RGS12: variants seen among roughly 807,000 people sequenced by gnomAD.
The protein encoded by RGS12 is regulator of G-protein signaling 12.
Under a neutral mutation model 120.1 loss-of-function variants are expected in RGS12, and 66 were observed. The ratio of observed to expected loss-of-function variants is 0.55; its 90% CI spans 0.45 to 0.67. The LOEUF (loss-of-function observed/expected upper bound fraction) is 0.67, where lower values mean the gene tolerates loss of function less well. RGS12 is among the 30% of genes least tolerant of loss of function. The probability of loss-of-function intolerance (pLI) is 0.00; values close to 1 mark genes in which losing one functional copy is unlikely to be tolerated. For synonymous variants in RGS12, 827 were observed against 804.7 expected, an observed-to-expected ratio of 1.03 and a Z score of -0.47; for missense variants, 1,859 against 1,957.7, an observed-to-expected ratio of 0.95 and a Z score of 0.95.
At chr4:3,293,473 G>A (rs1458893665) in intron 1 of RGS12, among the ~76,000 whole-genome samples, 1 of 151,450 alleles carries the variant, frequency 6.6e-6, no homozygotes, top group East Asian at 1.9e-4. Flanking sequence ...CGGGCGAGAT[G>A]CGCCCGGGAG....
At chr4:3,292,360 C>G (rs565878419), upstream of RGS12, among the ~76,000 whole-genome samples, 90 of 152,296 alleles carry the variant, frequency 5.9e-4, 2 homozygotes, top group Admixed American at 2.2e-3. Context: ...GGCAGACCCG[C>G]TGGACGCCGC....
chr4:3,342,034 G>A (rs1347950521), intron 2 of RGS12, among the ~76,000 whole-genome samples: 1 of 151,674 alleles, frequency 6.6e-6, no homozygotes, highest in Non-Finnish European at 1.5e-5. Flanking sequence ...GCGGGAGGGT[G>A]GCCTGCTCCA....
intron 4 of RGS12, among the ~76,000 whole-genome samples, chr4:3,393,047 G>A (rs1042358444): frequency 6.6e-6 from 1 of 152,166 alleles, no homozygotes; most frequent in East Asian, 1.9e-4. Context: ...GCCCTTAGAT[G>A]CCAGTGCTAT....
At chr4:3,373,261 C>T (rs73193372) in intron 3 of RGS12, among the ~76,000 whole-genome samples, 13,246 of 152,276 alleles carry the variant, frequency 0.087, 889 homozygotes, top group East Asian at 0.34. Flanking sequence ...GAGTCTACCA[C>T]GGGCGGGCCG....
intron 3 of RGS12, among the ~76,000 whole-genome samples, chr4:3,360,950 A>G (rs1341573933): frequency 1.3e-5 from 2 of 152,236 alleles, no homozygotes; most frequent in South Asian, 2.1e-4. Context: ...CTAGAGTTCC[A>G]TCATGTGTAC....
chr4:3,346,070 T>G (rs1316425541), intron 3 of RGS12, among the ~76,000 whole-genome samples: 1 of 152,132 alleles, frequency 6.6e-6, no homozygotes, highest in South Asian at 2.1e-4. Flanking sequence ...GGGTATATGG[T>G]CCTTAATTTT....
chr4:3,290,058 G>A (rs1411699421), upstream of RGS12, among the ~76,000 whole-genome samples: 3 of 152,138 alleles, frequency 2.0e-5, no homozygotes, highest in East Asian at 1.9e-4. Context: ...ATCCATCGAC[G>A]AGCGCTTAGG....
At chr4:3,335,003 A>G (rs1451422905) in intron 2 of RGS12, among the ~76,000 whole-genome samples, 2 of 152,222 alleles carry the variant, frequency 1.3e-5, no homozygotes, top group African/African-American at 4.8e-5. Context: ...TTATTTCCTT[A>G]GTCCACACCC....
the RGS12 span, among the ~76,000 whole-genome samples, chr4:3,285,984 G>A: frequency 1.1e-4 from 17 of 152,240 alleles, no homozygotes; most frequent in Non-Finnish European, 2.2e-4. Flanking sequence ...ACCACTTCCT[G>A]CCGGTGTGCC....
chr4:3,295,941 C>T (rs1266979124), intron 1 of RGS12, among the ~76,000 whole-genome samples: 1 of 152,172 alleles, frequency 6.6e-6, no homozygotes, highest in Non-Finnish European at 1.5e-5. Context: ...TTTATTTGCC[C>T]TAGTTGGGCT....
chr4:3,383,304 G>T (rs375579521), intron 3 of RGS12, among the ~76,000 whole-genome samples: 12 of 151,936 alleles, frequency 7.9e-5, no homozygotes, highest in Non-Finnish European at 1.6e-4. Context: ...TGGAGTAGCG[G>T]TATATTAAAA....
rs149563317 is a variant in RGS12 at position 3,308,747 on chromosome 4, A to T, written c.-101-7323A>T. Among the ~76,000 whole-genome samples the T allele has an allele frequency of 4.5e-4, 68 of 152,308 alleles. 1 individual carries two copies. In the East Asian group the frequency reaches 5.0e-3, roughly 11 times the overall value. On this transcript the variant is annotated intron_variant, in intron 1 of 17. Coordinates refer to ENST00000336727, the MANE Select transcript of RGS12 (RefSeq NM_001394154.1). ...GCTCAGGGCTTGGTGGGCCCTTTGCATTCGAAGATTCTTGTCTGCCTTTAG... is the reference window on the plus strand; with the variant it reads ...GCTCAGGGCTTGGTGGGCCCTTTGCTTTCGAAGATTCTTGTCTGCCTTTAG...
At chr4:3,327,864 A>G (rs1725666475) in intron 2 of RGS12, among the ~76,000 whole-genome samples, 1 of 152,230 alleles carries the variant, frequency 6.6e-6, no homozygotes, top group Non-Finnish European at 1.5e-5. Flanking sequence ...CTACCATTTG[A>G]GCCAGCAATC....
At chr4:3,322,523 G>A (rs774647622) in intron 2 of RGS12, among the ~76,000 whole-genome samples, 3 of 152,104 alleles carry the variant, frequency 2.0e-5, no homozygotes, top group Non-Finnish European at 4.4e-5. Context: ...TGATTGCCTT[G>A]TGTTTCATTT....
intron 4 of RGS12, among the ~76,000 whole-genome samples, chr4:3,396,076 TA>T (rs777176138): frequency 2.3e-4 from 35 of 152,344 alleles, no homozygotes; most frequent in Non-Finnish European, 4.4e-4. Flanking sequence ...GTTGTATTGT[TA>T]TTTTTTTTCC....
the RGS12 span, among the ~76,000 whole-genome samples, chr4:3,286,622 C>T: frequency 0.014 from 2,156 of 152,310 alleles, 48 homozygotes; most frequent in African/African-American, 0.05. Flanking sequence ...TCCTCCCTCC[C>T]GCAGGTGGAT....
intron 2 of RGS12, among the ~76,000 whole-genome samples, chr4:3,340,788 A>G (rs1197632078): frequency 6.6e-6 from 1 of 152,178 alleles, no homozygotes; most frequent in Admixed American, 6.6e-5. Context: ...AGGCCAGTGC[A>G]GTCCGTTCTC....
chr4:3,421,550 T>C (rs1490434187), intron 10 of RGS12, among the ~76,000 whole-genome samples: 1 of 152,262 alleles, frequency 6.6e-6, no homozygotes, highest in Non-Finnish European at 1.5e-5. Context: ...TCTGGTTACC[T>C]GGCACGTGAG....
chr4:3,428,477 G>A, intron 15 of RGS12, 81 bp from the exon 16 acceptor site: 1 of 1,217,920 alleles, frequency 8.2e-7, no homozygotes, highest in South Asian at 1.5e-5. Flanking sequence ...ATTTCATAGA[G>A]CCTTCTACTC....
Sources: allele counts gnomAD v4.1 joint callset (sites outside exome capture counted in the v4.1 genomes callset), GRCh38; gene constraint gnomAD v4.1.1; transcripts MANE v1.5; gene names NCBI Gene and HGNC (gene_info 2026-07-23, HGNC 2026-07-21).